The following NIM1K variants were observed in gnomAD, a reference collection of about 807,000 sequenced individuals.
NIM1K encodes NIM1 serine/threonine protein kinase.
In NIM1K, 35 loss-of-function variants were observed where a neutral mutation model predicts 37.1. The ratio of observed to expected loss-of-function variants is 0.94; its 90% CI spans 0.72 to 1.25. NIM1K has a LOEUF of 1.25. NIM1K is among the 50% of genes most tolerant of loss of function. NIM1K has a pLI of 0.00. For missense variants in NIM1K, 564 were observed against 548.0 expected (o/e 1.03, Z -0.29); for synonymous variants, 234 against 206.6 (o/e 1.13, Z -1.14).
At chr5:43,226,539 A>T (rs1165260303) in intron 1 of NIM1K, among the ~76,000 whole-genome samples, 1 of 152,248 alleles carries the variant, frequency 6.6e-6, no homozygotes, top group African/African-American at 2.4e-5. Context: ...GAGAGGAACA[A>T]GTCTGGAGAA....
intron 1 of NIM1K, among the ~76,000 whole-genome samples, chr5:43,199,204 A>AAAAAAAAATATATATATAT (rs1200134957): frequency 1.1e-5 from 1 of 94,072 alleles, no homozygotes; most frequent in African/African-American, 3.9e-5. Flanking sequence ...AAAAAAAAAA[A>AAAAAAAAATATATATATAT]ATATATATAT....
intron 1 of NIM1K, among the ~76,000 whole-genome samples, chr5:43,227,033 G>A (rs1480447944): frequency 1.3e-5 from 2 of 152,196 alleles, no homozygotes; most frequent in Admixed American, 6.5e-5. Context: ...CAGATAATCC[G>A]TGCCTAGCTG....
intron 1 of NIM1K, among the ~76,000 whole-genome samples, chr5:43,230,066 C>A (rs1752516100): frequency 6.6e-6 from 1 of 152,076 alleles, no homozygotes; most frequent in African/African-American, 2.4e-5. Context: ...TGTTATAAAA[C>A]CTTCAAACAA....
chr5:43,264,046 T>C (rs1379290298), intron 2 of NIM1K, among the ~76,000 whole-genome samples: 2 of 152,210 alleles, frequency 1.3e-5, no homozygotes, highest in East Asian at 1.9e-4. Flanking sequence ...TCCAACTATG[T>C]AGTCAATTTT....
At chr5:43,261,683 C>T (rs1753033038) in intron 2 of NIM1K, among the ~76,000 whole-genome samples, 1 of 151,952 alleles carries the variant, frequency 6.6e-6, no homozygotes, top group South Asian at 2.1e-4. Flanking sequence ...AAGTCCTTGC[C>T]CATGCCTATG....
chr5:43,214,552 ACGCCTGT>A (rs1192106197), intron 1 of NIM1K, among the ~76,000 whole-genome samples: 9 of 150,842 alleles, frequency 6.0e-5, no homozygotes, highest in Admixed American at 3.3e-4. Context: ...GCGGTGGCTT[ACGCCTGT>A]AATCCTAGCA....
At chr5:43,207,025 A>G in intron 1 of NIM1K, 1 of 742,146 alleles carries the variant, frequency 1.3e-6, no homozygotes, top group Non-Finnish European at 2.5e-6. Flanking sequence ...AACAATTACC[A>G]CCTAAGTTCG....
chr5:43,269,644 A>G (rs909896692), intron 2 of NIM1K, among the ~76,000 whole-genome samples: 1 of 151,292 alleles, frequency 6.6e-6, no homozygotes, highest in Non-Finnish European at 1.5e-5. Context: ...TTTGAGACAG[A>G]GTCTTGCTCT....
rs1359809549 is a variant in NIM1K at position 43,269,308 on chromosome 5, C to CAAAA, written c.293-7741_293-7738dup. Among the ~76,000 whole-genome samples, 458 of 55,560 alleles carry CAAAA rather than the reference C, an allele frequency of 8.2e-3. 47 individuals are homozygous for CAAAA. The highest frequency in any genetic ancestry group is 0.01 in the African/African-American group (147 of 14,002). The allele number at this position is 55,560 out of a possible 152,430, so 36.4% of individuals were successfully genotyped here. Reference sequence around the variant, plus strand: ...TGGGCAACAAAGTGAGACTTCATCTCAAAAAAAAAAAGAAAAAAAAAAAAG... The same window carrying CAAAA: ...TGGGCAACAAAGTGAGACTTCATCTCAAAAAAAAAAAAAAAGAAAAAAAAAAAAG... On this transcript the variant is annotated intron_variant, in intron 2 of 3. Transcript: ENST00000326035.
At position 43,280,008 on chromosome 5, in the gene NIM1K, TG is replaced by T; in HGVS notation, c.591del (p.Ala199GlnfsTer12). 1 of 1,612,864 alleles carries T rather than the reference TG, an allele frequency of 6.2e-7. No homozygotes were observed. The highest frequency in any genetic ancestry group is 8.5e-7 in the Non-Finnish European group (1 of 1,178,900). On this transcript the variant is annotated frameshift_variant, in exon 4 of 4. Transcript: ENST00000326035. LOFTEE classifies it high-confidence loss of function. ...MHENQIIHRD[L>X]KAENVFYTSN... ...GAAAACCAAATTATTCATAGAGATCTGAAAGCAGAAAATGTATTCTATACCA... is the reference window on the plus strand; with the variant it reads ...GAAAACCAAATTATTCATAGAGATCTAAAGCAGAAAATGTATTCTATACCA...
intron 2 of NIM1K, among the ~76,000 whole-genome samples, chr5:43,273,506 G>C (rs930043217): frequency 6.6e-6 from 1 of 152,066 alleles, no homozygotes; most frequent in Non-Finnish European, 1.5e-5. Context: ...ATCACACCCG[G>C]CCCAGAGTGC....
chr5:43,261,864 G>A (rs1175084560), intron 2 of NIM1K, among the ~76,000 whole-genome samples: 1 of 152,158 alleles, frequency 6.6e-6, no homozygotes, highest in Non-Finnish European at 1.5e-5. Flanking sequence ...TATTAAATAG[G>A]AATCCTTTCC....
chr5:43,247,915 G>A (rs1020557706), intron 2 of NIM1K, among the ~76,000 whole-genome samples: 3 of 152,146 alleles, frequency 2.0e-5, no homozygotes, highest in Admixed American at 6.5e-5. Context: ...CACTATATTA[G>A]GCCTTGGGGG....
chr5:43,227,091 T>C (rs772801329), intron 1 of NIM1K, among the ~76,000 whole-genome samples: 10 of 152,230 alleles, frequency 6.6e-5, no homozygotes, highest in Non-Finnish European at 7.3e-5. Context: ...CCGGGCGCAG[T>C]GGCTCATGCC....
intron 1 of NIM1K, chr5:43,207,910 C>A: frequency 2.8e-6 from 1 of 357,382 alleles, no homozygotes; most frequent in African/African-American, 2.2e-5. Flanking sequence ...ATTGTGAATT[C>A]CTCAAAGTTT....
chr5:43,235,105 T>C (rs963922056), intron 1 of NIM1K, among the ~76,000 whole-genome samples: 1 of 152,238 alleles, frequency 6.6e-6, no homozygotes, highest in Non-Finnish European at 1.5e-5. Context: ...GCTTCCAGAA[T>C]ACTAGTAATT....
chr5:43,231,896 G>A (rs1579969373), intron 1 of NIM1K: 42 of 1,062,310 alleles, frequency 4.0e-5, no homozygotes, highest in Non-Finnish European at 5.5e-5. Context: ...GGGCAGTCAT[G>A]TCCTCACTGG....
chr5:43,205,598 C>G (rs2112208830), intron 1 of NIM1K, among the ~76,000 whole-genome samples: 1 of 151,702 alleles, frequency 6.6e-6, no homozygotes, highest in South Asian at 2.1e-4. Flanking sequence ...ACAAAAAATA[C>G]AAATTAAAAA....
intron 2 of NIM1K, among the ~76,000 whole-genome samples, chr5:43,251,605 G>T (rs1325351062): frequency 6.6e-6 from 1 of 152,184 alleles, no homozygotes; most frequent in Non-Finnish European, 1.5e-5. Flanking sequence ...GGGAAGTAGG[G>T]CCGGGTCTTA....
Sources: gnomAD v4.1 joint callset for allele counts (sites outside exome capture counted in the v4.1 genomes callset) on GRCh38, gnomAD v4.1.1 for gene constraint, MANE v1.5 for transcripts, NCBI Gene and HGNC (gene_info 2026-07-23, HGNC 2026-07-21) for gene names.